HSP90AA1: variants seen among roughly 807,000 people sequenced by gnomAD.
HSP90AA1 encodes the protein heat shock protein 90 alpha family class A member 1.
Under a neutral mutation model 73.3 loss-of-function variants are expected in HSP90AA1, and 18 were observed. That is an observed-to-expected ratio of 0.25 (90% CI 0.17 to 0.36). The LOEUF is 0.36. Ranked by LOEUF, HSP90AA1 falls within the 10% of genes least tolerant of loss-of-function variation. HSP90AA1 has a pLI of 1.00. For synonymous variants in HSP90AA1, 477 were observed against 296.9 expected (o/e 1.61, Z -6.24); for missense variants, 704 against 874.2 (o/e 0.81, Z 2.45).
At position 102,086,123 on chromosome 14, in the gene HSP90AA1, G is replaced by A; in HGVS notation, c.164C>T (p.Ala55Val). Residue 55 changes from alanine (A) to valine (V), a missense_variant and splice_region_variant, in exon 3 of 11, where the codon GCA (alanine) becomes GTA (valine). Transcript: ENST00000216281. Reference protein sequence around the residue: ...LRELISNSSDALDKIRYESLT... With the variant: ...LRELISNSSDVLDKIRYESLT... ...GCTTTCATACCGGATTTTGTCCAAT[G>A]CCTGTTAACAAAAAATATTAATTTA... 6.2e-7 allele frequency: 1 copy of A among 1,614,076 alleles called. No homozygotes were observed. Among genetic ancestry groups the A allele is most frequent in the Non-Finnish European group, 8.5e-7 (1 of 1,179,980 alleles).
Position 102,083,271 on chromosome 14 carries a change from G to T in HSP90AA1, c.1518C>A (p.Ala506=). 10 of 1,614,120 alleles carry T rather than the reference G, an allele frequency of 6.2e-6. No individual in the cohort carries two copies. Among genetic ancestry groups the T allele is most frequent in the Non-Finnish European group, 8.5e-6 (10 of 1,179,998 alleles). The change falls in exon 9 of 11, where the codon GCC becomes GCA. Residue 506 remains alanine, a synonymous_variant. Transcript: ENST00000216281. The part of the protein sequence containing the change: ...GETKDQVANS[A]FVERLRKHGL... ...CATGTTTCCGAAGACGTTCCACAAA[G>T]GCTGAGTTAGCTACCTGGTCCTTGG...
rs1378942161 is a variant in HSP90AA1, at chr14:102,081,042, A to G, written c.*670T>C. 4.4e-6 allele frequency: 1 copy of G among 227,856 alleles called. No individual in the cohort carries two copies. The highest frequency in any genetic ancestry group is 2.2e-5 in the African/African-American group (1 of 45,022). 14.1% of individuals were successfully genotyped at this position (227,856 alleles called of 1,614,324 possible). ...TTCCCCCTAAATAAGACACTGTCACACAATATCTTTTAACTCATCTGTATT... is the reference window on the plus strand; with the variant it reads ...TTCCCCCTAAATAAGACACTGTCACGCAATATCTTTTAACTCATCTGTATT... On this transcript the variant is annotated 3_prime_UTR_variant, in exon 11 of 11. Coordinates refer to ENST00000216281, the MANE Select transcript of HSP90AA1 (RefSeq NM_005348.4).
rs200323736 is a variant in HSP90AA1 at position 102,121,020 on chromosome 14, CAT to C, written c.155+18228_155+18229del. Among the ~76,000 whole-genome samples the C allele has an allele frequency of 6.8e-3, 959 of 141,792 alleles. 3 individuals are homozygous for C. The highest frequency in any genetic ancestry group is 0.024 in the Middle Eastern group (7 of 286). The allele number at this position is 141,792 out of a possible 152,430, so 93.0% of individuals were successfully genotyped here. On this transcript the variant is annotated intron_variant, in intron 1 of 11. Transcript: ENST00000334701. The stretch of plus-strand genomic sequence containing the variant: ...ACATACACACACACACACACACACA[CAT>C]ACACACACACACACACACACGTAAA...
At chr14:102,087,339 C>T (rs970283133), upstream of HSP90AA1, 14 of 250,904 alleles carry the variant, frequency 5.6e-5, no homozygotes, top group East Asian at 2.4e-3. Flanking sequence ...CGGGAAGGTC[C>T]GGGCGCCTTC....
In HSP90AA1 at chr14:102,083,534, G is replaced by C. The variant is rs771837498; in HGVS notation, c.1486+12C>G. The C allele has an allele frequency of 6.2e-7, 1 of 1,611,928 alleles. No homozygotes were observed. The highest frequency in any genetic ancestry group is 8.5e-7 in the Non-Finnish European group (1 of 1,178,692). ...GAACGACGTGTATGACTGTAACATA[G>C]TGTTCTCTTACCTGTGATATAATAG... On this transcript the variant is annotated intron_variant, in intron 8 of 10. Transcript: ENST00000216281.
rs530649881 is a variant in HSP90AA1, at chr14:102,096,352, G to A, written c.366+5523C>T. ...CTCCCTCCAGCCTCCAGGGGCAGCA[G>A]ATCCTGCTAAGTGCACTCAGGGCCC... On this transcript the variant is annotated intron_variant, in intron 2 of 11. Transcript: ENST00000334701. Among the ~76,000 whole-genome samples, 3 of 152,144 alleles carry A rather than the reference G, an allele frequency of 2.0e-5. No homozygotes were observed. The South Asian group carries it at 6.2e-4, about 32-fold the overall frequency.
chr14:102,098,698 A>G (rs1346985826), intron 2 of HSP90AA1, among the ~76,000 whole-genome samples: 2 of 151,672 alleles, frequency 1.3e-5, no homozygotes, highest in South Asian at 2.1e-4. Flanking sequence ...TCCTGACTTC[A>G]TGATCTGCCT....
exon 2 of HSP90AA1, chr14:102,101,895 A>G: frequency 5.0e-6 from 8 of 1,613,898 alleles, no homozygotes; most frequent in Non-Finnish European, 6.8e-6. Context: ...AGCAATATAA[A>G]TGGCTGCAGA....
intron 6 of HSP90AA1, 54 bp from the exon 7 acceptor site, chr14:102,084,037 C>T: frequency 1.6e-6 from 2 of 1,290,060 alleles, no homozygotes. Flanking sequence ...AAAACTGGTA[C>T]TATGTAAACT....
intron 1 of HSP90AA1, among the ~76,000 whole-genome samples, chr14:102,138,287 G>C (rs1258899478): frequency 6.6e-6 from 1 of 151,870 alleles, no homozygotes; most frequent in Non-Finnish European, 1.5e-5. Flanking sequence ...ATTTTTAGAT[G>C]ATTCAAGATG....
chr14:102,093,037 G>A (rs764141586), intron 2 of HSP90AA1, among the ~76,000 whole-genome samples: 60 of 152,076 alleles, frequency 3.9e-4, no homozygotes, highest in Non-Finnish European at 6.2e-4. Flanking sequence ...GAACCACCGC[G>A]CCCAGCCAAC....
Position 102,081,155 on chromosome 14 carries a change from A to T in HSP90AA1, c.*557T>A, listed in dbSNP as rs1302913721. On this transcript the variant is annotated 3_prime_UTR_variant, in exon 11 of 11. Coordinates refer to ENST00000216281, the MANE Select transcript of HSP90AA1 (RefSeq NM_005348.4). ...AGTTATTTTTGAACAGCTTTACGATATGCTTAGGTAGGCTTTTAACTTTGC... is the reference window on the plus strand; with the variant it reads ...AGTTATTTTTGAACAGCTTTACGATTTGCTTAGGTAGGCTTTTAACTTTGC... The T allele has an allele frequency of 4.3e-6, 1 of 232,486 alleles. No individual in the cohort carries two copies. Among genetic ancestry groups the T allele is most frequent in the East Asian group, 6.3e-5 (1 of 15,826 alleles). 14.4% of individuals were successfully genotyped at this position (232,486 alleles called of 1,614,324 possible).
intron 1 of HSP90AA1, among the ~76,000 whole-genome samples, chr14:102,118,218 C>A (rs1233811160): frequency 1.3e-5 from 2 of 152,198 alleles, no homozygotes; most frequent in Non-Finnish European, 2.9e-5. Context: ...AAGGGTGCCA[C>A]CAGCCACAGA....
chr14:102,081,990 T>C (rs2049111065), intron 10 of HSP90AA1, 121 bp downstream of exon 10: 1 of 810,212 alleles, frequency 1.2e-6, no homozygotes, highest in Non-Finnish European at 2.1e-6. Context: ...AAACATACTT[T>C]AATACCTCCA....
chr14:102,128,970 T>C (rs2049871677), intron 1 of HSP90AA1, among the ~76,000 whole-genome samples: 1 of 152,134 alleles, frequency 6.6e-6, no homozygotes, highest in Non-Finnish European at 1.5e-5. Flanking sequence ...GAGCCCTTAG[T>C]GTTTCAGAAT....
intron 1 of HSP90AA1, among the ~76,000 whole-genome samples, chr14:102,134,687 G>A (rs961752048): frequency 2.6e-5 from 4 of 152,062 alleles, no homozygotes; most frequent in African/African-American, 9.7e-5. Context: ...TCGTGGTCTT[G>A]CTGGCTTCAG....
exon 1 of HSP90AA1, chr14:102,139,596 G>C: frequency 3.0e-6 from 2 of 676,188 alleles, no homozygotes; most frequent in South Asian, 4.0e-5. Context: ...GCTTTCCGCT[G>C]GCCCTGGCGG....
chr14:102,129,629 A>G (rs1430014606), intron 1 of HSP90AA1, among the ~76,000 whole-genome samples: 1 of 151,024 alleles, frequency 6.6e-6, no homozygotes, highest in Non-Finnish European at 1.5e-5. Context: ...CAGCCTCTCG[A>G]GTAGCTAGAA....
At chr14:102,115,202 G>C (rs1313763422) in intron 1 of HSP90AA1, among the ~76,000 whole-genome samples, 1 of 151,920 alleles carries the variant, frequency 6.6e-6, no homozygotes, top group Admixed American at 6.6e-5. Flanking sequence ...GGGAGGCTGA[G>C]ACAAGAGGAT....
Sources: allele counts gnomAD v4.1 joint callset (sites outside exome capture counted in the v4.1 genomes callset), GRCh38; gene constraint gnomAD v4.1.1; transcripts MANE v1.5; gene names NCBI Gene and HGNC (gene_info 2026-07-23, HGNC 2026-07-21).